The following GULP1 variants were observed in gnomAD, a reference collection of about 807,000 sequenced individuals.
GULP1 encodes the protein GULP PTB domain containing engulfment adaptor 1.
Under a neutral mutation model 40.9 loss-of-function variants are expected in GULP1, and 19 were observed. The observed-to-expected ratio is 0.46, with a 90% confidence interval of 0.32 to 0.68. The LOEUF (loss-of-function observed/expected upper bound fraction) is 0.68. Among genes scored for constraint, GULP1 ranks in the 30% least tolerant of loss-of-function variants. GULP1 has a pLI of 0.03. For synonymous variants in GULP1, 119 were observed against 117.6 expected, an observed-to-expected ratio of 1.01 and a Z score of -0.08; for missense variants, 312 against 362.2, an observed-to-expected ratio of 0.86 and a Z score of 1.12.
intron 1 of GULP1, among the ~76,000 whole-genome samples, chr2:188,332,287 G>A (rs1211577524): frequency 1.3e-5 from 2 of 149,160 alleles, no homozygotes; most frequent in South Asian, 4.2e-4. Flanking sequence ...CCTCCCAGGT[G>A]CAAGCCATTC....
In GULP1 at chr2:188,591,421, A is replaced by G. The variant is rs964260690; in HGVS notation, c.844-2519A>G. On this transcript the variant is annotated intron_variant, in intron 11 of 11. Transcript: ENST00000409830. ...TTTCTGTTTGATATCAAAACTTTAAAGCAATCTATTCTGATGAAAAAATAA... is the reference window on the plus strand; with the variant it reads ...TTTCTGTTTGATATCAAAACTTTAAGGCAATCTATTCTGATGAAAAAATAA... 4 of 152,162 alleles carry G rather than the reference A, an allele frequency of 2.6e-5. No homozygotes were observed. In the East Asian group the frequency reaches 7.7e-4, roughly 29 times the overall value. 9.4% of individuals were successfully genotyped at this position (152,162 alleles called of 1,614,324 possible). A position where few individuals can be genotyped will look rare whatever the true frequency, so the allele number is the denominator to read the frequency against.
At chr2:188,415,508 A>T (rs375815821) in intron 2 of GULP1, among the ~76,000 whole-genome samples, 188 of 136,874 alleles carry the variant, frequency 1.4e-3, no homozygotes, top group African/African-American at 5.0e-3. Context: ...TTAGAAAATT[A>T]AAAAAAAAAA....
At chr2:188,393,061 T>C (rs1421312953) in intron 2 of GULP1, among the ~76,000 whole-genome samples, 1 of 152,052 alleles carries the variant, frequency 6.6e-6, no homozygotes, top group African/African-American at 2.4e-5. Flanking sequence ...TCTGTGTTTT[T>C]TGGATAGAAT....
At chr2:188,341,195 G>A (rs1334453539) in intron 1 of GULP1, among the ~76,000 whole-genome samples, 3 of 152,058 alleles carry the variant, frequency 2.0e-5, no homozygotes, top group Admixed American at 6.6e-5. Context: ...CATCTACTTG[G>A]CTTCCGGGGA....
intron 2 of GULP1, among the ~76,000 whole-genome samples, chr2:188,385,221 G>A (rs1430905409): frequency 6.6e-6 from 1 of 152,202 alleles, no homozygotes; most frequent in Non-Finnish European, 1.5e-5. Context: ...AATCTAGGCA[G>A]AGGTTCCCAA....
chr2:188,309,277 G>A (rs947820482), intron 1 of GULP1, among the ~76,000 whole-genome samples: 34 of 152,056 alleles, frequency 2.2e-4, no homozygotes, highest in African/African-American at 8.0e-4. Context: ...ACCAGCCTGG[G>A]CAACATGGTG....
intron 1 of GULP1, among the ~76,000 whole-genome samples, chr2:188,321,876 G>A (rs1451900271): frequency 7.2e-5 from 11 of 152,106 alleles, no homozygotes; most frequent in Admixed American, 2.0e-4. Flanking sequence ...TTAGCCGGGT[G>A]TGGTGGCAGA....
chr2:188,525,363 C>T (rs1010919216), intron 5 of GULP1, among the ~76,000 whole-genome samples: 3 of 151,830 alleles, frequency 2.0e-5, no homozygotes, highest in Admixed American at 6.6e-5. Flanking sequence ...TGCACTCCAG[C>T]CTGGGCAACA....
intron 1 of GULP1, among the ~76,000 whole-genome samples, chr2:188,320,707 A>G (rs1372751376): frequency 1.3e-5 from 2 of 152,168 alleles, no homozygotes; most frequent in African/African-American, 4.8e-5. Flanking sequence ...TTTTCTATAC[A>G]TAATCCTTCA....
At chr2:188,407,095 G>A (rs11682085) in intron 2 of GULP1, among the ~76,000 whole-genome samples, 33,672 of 152,034 alleles carry the variant, frequency 0.22, 3,918 homozygotes, top group African/African-American at 0.27. Context: ...AGAGAGTGGT[G>A]TGGTAGCTTC....
chr2:188,452,463 C>T (rs889128309), intron 2 of GULP1, among the ~76,000 whole-genome samples: 10 of 152,232 alleles, frequency 6.6e-5, no homozygotes, highest in Non-Finnish European at 1.3e-4. Context: ...GTGTTTTTCC[C>T]CACATATTTA....
intron 2 of GULP1, among the ~76,000 whole-genome samples, chr2:188,473,413 A>G (rs1012174801): frequency 6.6e-6 from 1 of 152,198 alleles, no homozygotes; most frequent in African/African-American, 2.4e-5. Flanking sequence ...GCCTATTGGA[A>G]GCCGTGAACT....
intron 4 of GULP1, among the ~76,000 whole-genome samples, chr2:188,517,624 A>G (rs543802888): frequency 1.3e-5 from 2 of 152,204 alleles, no homozygotes; most frequent in African/African-American, 4.8e-5. Context: ...GGTTCTGTGG[A>G]CTTGAGCAGG....
chr2:188,466,568 G>C (rs1323749969), intron 2 of GULP1: 2 of 151,770 alleles, frequency 1.3e-5, no homozygotes, highest in Admixed American at 1.3e-4. Context: ...TGAGATTACA[G>C]GTGATGGCTG....
chr2:188,429,329 C>G (rs1006267368), intron 2 of GULP1, among the ~76,000 whole-genome samples: 1 of 152,002 alleles, frequency 6.6e-6, no homozygotes, highest in Non-Finnish European at 1.5e-5. Context: ...ATGGCAAAAC[C>G]CTGTCTCTAC....
At chr2:188,540,673 A>G (rs569811863) in intron 6 of GULP1, among the ~76,000 whole-genome samples, 1 of 152,246 alleles carries the variant, frequency 6.6e-6, no homozygotes, top group South Asian at 2.1e-4. Context: ...AAATTTAATA[A>G]GATTACTAAG....
chr2:188,362,520 T>A (rs2046232662), intron 1 of GULP1, among the ~76,000 whole-genome samples: 1 of 152,152 alleles, frequency 6.6e-6, no homozygotes, highest in African/African-American at 2.4e-5. Flanking sequence ...GTGATTCTTT[T>A]TGACACTGAA....
At chr2:188,516,794 C>T (rs920204031) in intron 4 of GULP1, among the ~76,000 whole-genome samples, 2 of 152,122 alleles carry the variant, frequency 1.3e-5, no homozygotes, top group African/African-American at 4.8e-5. Context: ...CTATTCTAGA[C>T]CAATTCTTCA....
At chr2:188,323,017 T>C (rs1473227452) in intron 1 of GULP1, among the ~76,000 whole-genome samples, 2 of 152,120 alleles carry the variant, frequency 1.3e-5, no homozygotes, top group Admixed American at 1.3e-4. Flanking sequence ...TGATACAAAC[T>C]GGACAATCAC....
Sources: gnomAD v4.1 joint callset for allele counts (sites outside exome capture counted in the v4.1 genomes callset) on GRCh38, gnomAD v4.1.1 for gene constraint, MANE v1.5 for transcripts, NCBI Gene and HGNC (gene_info 2026-07-23, HGNC 2026-07-21) for gene names.